SH3GL3: variants seen among roughly 807,000 people sequenced by gnomAD.
SH3GL3 encodes endophilin-A3.
SH3GL3 carries 33 observed loss-of-function variants against 47.7 expected under a neutral mutation model. The ratio of observed to expected loss-of-function variants is 0.69; its 90% confidence interval spans 0.52 to 0.92. The LOEUF is 0.92. Among genes scored for constraint, SH3GL3 ranks in the 40% least tolerant of loss-of-function variants. SH3GL3 has a pLI of 0.00. For missense variants in SH3GL3, 363 were observed against 417.8 expected, an observed-to-expected ratio of 0.87 and a Z score of 1.14; for synonymous variants, 155 against 148.8, an observed-to-expected ratio of 1.04 and a Z score of -0.30.
At chr15:83,614,636 T>C (rs1403218689) in intron 8 of SH3GL3, among the ~76,000 whole-genome samples, 1 of 152,200 alleles carries the variant, frequency 6.6e-6, no homozygotes, top group Non-Finnish European at 1.5e-5. Context: ...CCCTGGGCAG[T>C]GGGCTGTTTA....
intron 1 of SH3GL3, among the ~76,000 whole-genome samples, chr15:83,472,084 A>T (rs1479182540): frequency 6.6e-6 from 1 of 152,062 alleles, no homozygotes; most frequent in East Asian, 1.9e-4. Flanking sequence ...GGGTTTCGCC[A>T]TGTTGGCCAG....
intron 1 of SH3GL3, among the ~76,000 whole-genome samples, chr15:83,551,465 A>G (rs533665473): frequency 6.6e-6 from 1 of 152,278 alleles, no homozygotes; most frequent in South Asian, 2.1e-4. Context: ...GGTAATTAAG[A>G]GGGTTTTAGA....
At chr15:83,509,144 C>T (rs1182948907) in intron 1 of SH3GL3, among the ~76,000 whole-genome samples, 4 of 152,174 alleles carry the variant, frequency 2.6e-5, no homozygotes, top group African/African-American at 7.2e-5. Flanking sequence ...AAAGTGAGAG[C>T]AGGGGAATTG....
intron 8 of SH3GL3, among the ~76,000 whole-genome samples, chr15:83,614,480 C>A (rs74024517): frequency 6.6e-6 from 1 of 152,204 alleles, no homozygotes; most frequent in Non-Finnish European, 1.5e-5. Context: ...ACCATTACCC[C>A]CTTCTCTTTC....
chr15:83,483,616 G>C (rs966178658), intron 1 of SH3GL3, among the ~76,000 whole-genome samples: 3 of 152,178 alleles, frequency 2.0e-5, no homozygotes. Context: ...AATGGATGCA[G>C]CAAGGGGAAA....
chr15:83,480,695 T>C (rs767824934), intron 1 of SH3GL3, among the ~76,000 whole-genome samples: 1 of 152,246 alleles, frequency 6.6e-6, no homozygotes, highest in Non-Finnish European at 1.5e-5. Context: ...GACTTTTTCT[T>C]GTCATCATTC....
rs559671612 is a variant in SH3GL3, at chr15:83,522,566, A to G, written c.46-36687A>G. Among the ~76,000 whole-genome samples the G allele has an allele frequency of 2.6e-5, 4 of 152,348 alleles. No individual in the cohort carries two copies. The South Asian group carries it at 8.3e-4, about 32-fold the overall frequency. On this transcript the variant is annotated intron_variant, in intron 1 of 8. Transcript: ENST00000427482. ...CTTGGGCATTCCCATGCTCATGGTC[A>G]CAATACTGTTACTACGTTAATTTAA...
chr15:83,540,133 T>C (rs1365952524), intron 1 of SH3GL3, among the ~76,000 whole-genome samples: 4 of 152,316 alleles, frequency 2.6e-5, no homozygotes, highest in East Asian at 1.9e-4. Flanking sequence ...TTTTCAGATA[T>C]TGATTTCTAT....
At chr15:83,602,258 C>T (rs1422550653) in intron 8 of SH3GL3, among the ~76,000 whole-genome samples, 2 of 152,316 alleles carry the variant, frequency 1.3e-5, no homozygotes, top group Admixed American at 6.5e-5. Flanking sequence ...AGCAAAGCAA[C>T]TTGGGAAGTA....
At chr15:83,457,729 A>G (rs1012728811) in intron 1 of SH3GL3, among the ~76,000 whole-genome samples, 7 of 152,234 alleles carry the variant, frequency 4.6e-5, no homozygotes, top group African/African-American at 9.6e-5. Context: ...GCTCCTTTTC[A>G]CATAGATTGC....
At chr15:83,547,657 C>T (rs1001144208) in intron 1 of SH3GL3, among the ~76,000 whole-genome samples, 2 of 152,092 alleles carry the variant, frequency 1.3e-5, no homozygotes, top group African/African-American at 4.8e-5. Flanking sequence ...TCTTGCTCTG[C>T]CTCCTCCTCC....
chr15:83,572,600 C>G lies in SH3GL3; in HGVS notation c.367C>G (p.Leu123Val). Residue 123 changes from leucine to valine, a missense_variant, in exon 5 of 9, where the codon CTA becomes GTA. Coordinates refer to ENST00000427482, the MANE Select transcript of SH3GL3 (RefSeq NM_003027.5). ...GATAGAAGTTGGTGAATCCATGAAG[C>G]TAATGGCTGAGGTGAAAGACTCTCT... ...ALIEVGESMK[L>V]MAEVKDSLDI... The G allele has an allele frequency of 1.9e-6, 3 of 1,612,286 alleles. No homozygotes were observed. The highest frequency in any genetic ancestry group is 2.5e-6 in the Non-Finnish European group (3 of 1,178,428).
intron 5 of SH3GL3, 137 bp from the exon 6 acceptor site, chr15:83,576,446 C>A: frequency 1.5e-6 from 1 of 665,148 alleles, no homozygotes; most frequent in South Asian, 2.4e-5. Flanking sequence ...GAGGTGCTCC[C>A]AACAGCAGTG....
rs571692495 is a variant in SH3GL3 at position 83,535,283 on chromosome 15, C to T, written c.46-23970C>T. Among the ~76,000 whole-genome samples, 3 of 152,128 alleles carry T rather than the reference C, an allele frequency of 2.0e-5. No homozygotes were observed. The South Asian group carries it at 6.2e-4, about 32-fold the overall frequency. On this transcript the variant is annotated intron_variant, in intron 1 of 8. Transcript: ENST00000427482. Reference sequence around the variant, plus strand: ...ATTGTCAGCTTCAACCTTCTATGTCCTTTTAAAGGTGATTAAACTTTCCTA... The same window carrying T: ...ATTGTCAGCTTCAACCTTCTATGTCTTTTTAAAGGTGATTAAACTTTCCTA...
Position 83,578,420 on chromosome 15 carries a change from G to A in SH3GL3, c.624+1679G>A, listed in dbSNP as rs117365256. ...GTTTATTTATCCTCAAGACCATGTC[G>A]TCCTTATAACAGTTTATTTAAAGGT... On this transcript the variant is annotated intron_variant, in intron 6 of 8. Transcript: ENST00000427482. 3.6e-4 allele frequency among the ~76,000 whole-genome samples: 55 copies of A among 152,268 alleles called. No homozygotes were observed. The East Asian group carries it at 9.8e-3, about 27-fold the overall frequency.
At chr15:83,594,780 T>G (rs572118124) in intron 8 of SH3GL3, among the ~76,000 whole-genome samples, 2 of 152,308 alleles carry the variant, frequency 1.3e-5, no homozygotes, top group Admixed American at 6.5e-5. Flanking sequence ...AGAGGTAAAG[T>G]GCCATTCTCA....
chr15:83,574,290 C>T (rs1203458139), intron 5 of SH3GL3, among the ~76,000 whole-genome samples: 1 of 152,096 alleles, frequency 6.6e-6, no homozygotes, highest in South Asian at 2.1e-4. Context: ...AGCATCCATT[C>T]AGGAGCTCCC....
At chr15:83,520,091 A>G (rs890639375) in intron 1 of SH3GL3, among the ~76,000 whole-genome samples, 15 of 152,156 alleles carry the variant, frequency 9.9e-5, no homozygotes, top group African/African-American at 3.6e-4. Flanking sequence ...CTACAGAGCA[A>G]ATGTGTAGAG....
chr15:83,448,013 C>T lies in SH3GL3; in HGVS notation c.45+435C>T, dbSNP rs539741514. 6.6e-6 allele frequency among the ~76,000 whole-genome samples: 1 copy of T among 152,248 alleles called. No homozygotes were observed. The highest frequency in any genetic ancestry group is 2.4e-5 in the African/African-American group (1 of 41,556). ...GGGCCCATCCTCCACCGGCCACCGGCGCCTCCAGAGATGCTGTGTATTTGG... is the reference window on the plus strand; with the variant it reads ...GGGCCCATCCTCCACCGGCCACCGGTGCCTCCAGAGATGCTGTGTATTTGG... On this transcript the variant is annotated intron_variant, in intron 1 of 8. Transcript: ENST00000427482. This position sits in a 1 kb window ranked among gnomAD's most constrained non-coding sequence, Gnocchi z 4.2.
Sources: allele counts gnomAD v4.1 joint callset (sites outside exome capture counted in the v4.1 genomes callset), GRCh38; gene constraint gnomAD v4.1.1; non-coding constraint Gnocchi (gnomAD v3.1); transcripts MANE v1.5; gene names NCBI Gene and HGNC (gene_info 2026-07-23, HGNC 2026-07-21).